Variants in NTS observed in about 807,000 individuals in gnomAD.
The protein encoded by NTS is neurotensin/neuromedin N.
In NTS, 20 loss-of-function variants were observed where a neutral mutation model predicts 19.5. That is an observed-to-expected ratio of 1.02 (90% CI 0.72 to 1.49). The LOEUF (loss-of-function observed/expected upper bound fraction) is 1.49, where lower values mean the gene tolerates loss of function less well. Among genes scored for constraint, NTS ranks in the 40% most tolerant of loss-of-function variants. The pLI, the probability that NTS is intolerant of heterozygous loss-of-function variation, is 0.00. For missense variants in NTS, 215 were observed against 193.1 expected (o/e 1.11, Z -0.67); for synonymous variants, 71 against 63.3 (o/e 1.12, Z -0.58).
Position 85,878,296 on chromosome 12 carries a change from C to T in NTS, c.136-49C>T. The stretch of plus-strand genomic sequence containing the variant: ...TAGCACACTAGGAATTCATTTCTTG[C>T]TCATGTAACACAAGTTTTAATTGCA... On this transcript the variant is annotated intron_variant, in intron 2 of 3. Coordinates refer to ENST00000256010, the MANE Select transcript of NTS (RefSeq NM_006183.5). 5 of 1,341,452 alleles carry T rather than the reference C, an allele frequency of 3.7e-6. No individual in the cohort carries two copies. In the Admixed American group the frequency reaches 8.3e-5, roughly 22 times the overall value. The allele number at this position is 1,341,452 out of a possible 1,614,324, so 83.1% of individuals were successfully genotyped here. A position where few individuals can be genotyped will look rare whatever the true frequency, so the allele number is the denominator to read the frequency against.
chr12:85,876,763 G>C, intron 2 of NTS, 62 bp downstream of exon 2: 1 of 869,876 alleles, frequency 1.1e-6, no homozygotes, highest in Admixed American at 2.4e-5. Context: ...TATAAACATG[G>C]TATCCTTTTC....
At chr12:85,875,216 A>G (rs1168868242) in intron 1 of NTS, among the ~76,000 whole-genome samples, 1 of 152,110 alleles carries the variant, frequency 6.6e-6, no homozygotes, top group Non-Finnish European at 1.5e-5. Context: ...TATAGTCCTA[A>G]GTATCTACGA....
chr12:85,880,764 A>C (rs1339509973), intron 3 of NTS, among the ~76,000 whole-genome samples: 1 of 152,140 alleles, frequency 6.6e-6, no homozygotes, highest in Non-Finnish European at 1.5e-5. Flanking sequence ...CATCCCGGCT[A>C]ACACGGTGAA....
Position 85,874,607 on chromosome 12 carries a change from C to A in NTS, c.73+131C>A, listed in dbSNP as rs1881289235. ...TTATTCAGGATTTACCTTTTAGTGA[C>A]AGAAACTGAGTATCTCTTTCTCTGC... On this transcript the variant is annotated intron_variant, in intron 1 of 3. Transcript: ENST00000256010. 3 of 550,284 alleles carry A rather than the reference C, an allele frequency of 5.5e-6. No homozygotes were observed. In the East Asian group the frequency reaches 8.5e-5, roughly 16 times the overall value. The allele number at this position is 550,284 out of a possible 1,614,324, so 34.1% of individuals were successfully genotyped here.
At position 85,882,216 on chromosome 12, in the gene NTS, C is replaced by T. The variant is rs1881517187; in HGVS notation, c.361-7C>T. ...TAAGTTTCACTTATTTTATCTCTAT[C>T]TTGCAGTTAATCCAGGAAGATATTC... On this transcript the variant is annotated splice_polypyrimidine_tract_variant and splice_region_variant and intron_variant, in intron 3 of 3. Coordinates refer to ENST00000256010, the MANE Select transcript of NTS (RefSeq NM_006183.5). 1 of 1,579,998 alleles carries T rather than the reference C, an allele frequency of 6.3e-7. No homozygotes were observed. The highest frequency in any genetic ancestry group is 8.6e-7 in the Non-Finnish European group (1 of 1,161,792).
intron 3 of NTS, 76 bp from the exon 4 acceptor site, chr12:85,882,147 A>G: frequency 1.7e-6 from 2 of 1,149,982 alleles, no homozygotes; most frequent in East Asian, 2.4e-5. Flanking sequence ...AGCAAATGAG[A>G]TAGAATGTAG....
intron 1 of NTS, among the ~76,000 whole-genome samples, chr12:85,876,215 T>C (rs528902130): frequency 1.3e-5 from 2 of 152,098 alleles, no homozygotes; most frequent in South Asian, 4.1e-4. Flanking sequence ...TGGTTTTGTC[T>C]TGAAAAAGTC....
In NTS at chr12:85,881,179, C is replaced by CA. The variant is rs1328882268; in HGVS notation, c.361-1037dup. Among the ~76,000 whole-genome samples, 5 of 151,932 alleles carry CA rather than the reference C, an allele frequency of 3.3e-5. No individual in the cohort carries two copies. In the South Asian group the frequency reaches 6.2e-4, roughly 19 times the overall value. ...AGTACAAGTAATTACAGACTATGCA[C>CA]AAAAAAACTAAAGATTAAGAAACTA... is the stretch of plus-strand genomic sequence containing the variant. On this transcript the variant is annotated intron_variant, in intron 3 of 3. Transcript: ENST00000256010.
intron 1 of NTS, 35 bp from the exon 2 acceptor site, chr12:85,876,605 G>A: frequency 7.9e-7 from 1 of 1,261,986 alleles, no homozygotes; most frequent in Non-Finnish European, 1.1e-6. Context: ...TATATGATAT[G>A]TAATTATAGT....
intron 1 of NTS, among the ~76,000 whole-genome samples, chr12:85,875,573 A>T (rs991617575): frequency 2.6e-5 from 4 of 152,076 alleles, no homozygotes; most frequent in South Asian, 2.1e-4. Context: ...ATGAGAAAAA[A>T]CAAACTTTTC....
chr12:85,881,785 G>A (rs924338981), intron 3 of NTS, among the ~76,000 whole-genome samples: 1 of 151,938 alleles, frequency 6.6e-6, no homozygotes, highest in Non-Finnish European at 1.5e-5. Flanking sequence ...TACCTTTGTG[G>A]CCAAACTTGG....
rs1053738629 is a variant in NTS at position 85,882,643 on chromosome 12, G to A, written c.*268G>A. 3.7e-6 allele frequency: 1 copy of A among 271,724 alleles called. No homozygotes were observed. The highest frequency in any genetic ancestry group is 2.2e-5 in the African/African-American group (1 of 44,726). The allele number at this position is 271,724 out of a possible 1,614,324, so 16.8% of individuals were successfully genotyped here. On this transcript the variant is annotated 3_prime_UTR_variant, in exon 4 of 4. Coordinates refer to ENST00000256010, the MANE Select transcript of NTS (RefSeq NM_006183.5). ...TTTGTAATTTTGCAAAACATATCTT[G>A]AGTTGTTTAAACAGTCAAAATGTTT...
At chr12:85,878,955 A>T (rs986520563) in intron 3 of NTS, among the ~76,000 whole-genome samples, 11 of 151,552 alleles carry the variant, frequency 7.3e-5, no homozygotes, top group Non-Finnish European at 1.3e-4. Flanking sequence ...ATAAACAAAC[A>T]CAGAATATAA....
chr12:85,876,841 A>T (rs1397101977), intron 2 of NTS, 140 bp downstream of exon 2: 7 of 425,614 alleles, frequency 1.6e-5, no homozygotes, highest in Non-Finnish European at 2.9e-5. Context: ...GAAAAAAAAA[A>T]TTTCTTTTAG....
At chr12:85,874,930 G>T (rs901607528) in intron 1 of NTS, among the ~76,000 whole-genome samples, 2 of 152,072 alleles carry the variant, frequency 1.3e-5, no homozygotes, top group Admixed American at 6.6e-5. Context: ...TTATTTTCTT[G>T]TTTGTGTTAA....
At position 85,882,254 on chromosome 12, in the gene NTS, A is replaced by G; in HGVS notation, c.392A>G (p.Asn131Ser). ...CAGGAAGATATTCTTGATACTGGAA[A>G]TGACAAAAATGGAAAGGAAGAAGTC... Reference protein sequence around the residue: ...LIQEDILDTGNDKNGKEEVIK... With the variant: ...LIQEDILDTGSDKNGKEEVIK... Residue 131 changes from asparagine (N) to serine (S), a missense_variant, in exon 4 of 4, where the codon AAT (asparagine) becomes AGT (serine). Physicochemically the swap from Asn to Ser is conservative, Grantham distance 46. Coordinates refer to ENST00000256010, the MANE Select transcript of NTS (RefSeq NM_006183.5). 6.2e-7 allele frequency: 1 copy of G among 1,602,908 alleles called. No homozygotes were observed. Among genetic ancestry groups the G allele is most frequent in the East Asian group, 2.2e-5 (1 of 44,672 alleles).
Position 85,882,405 on chromosome 12 carries a change from G to A in NTS, c.*30G>A, listed in dbSNP as rs1881521789. 3 of 1,432,120 alleles carry A rather than the reference G, an allele frequency of 2.1e-6. No homozygotes were observed. Among genetic ancestry groups the A allele is most frequent in the South Asian group, 1.3e-5 (1 of 74,646 alleles). The allele number at this position is 1,432,120 out of a possible 1,614,324, so 88.7% of individuals were successfully genotyped here. A position where few individuals can be genotyped will look rare whatever the true frequency, so the allele number is the denominator to read the frequency against. On this transcript the variant is annotated 3_prime_UTR_variant, in exon 4 of 4. Coordinates refer to ENST00000256010, the MANE Select transcript of NTS (RefSeq NM_006183.5). ...ATAAATCATTTATTTACATGTGATT[G>A]TGATTCATCATCCCTTAATTAAATA... is the stretch of plus-strand genomic sequence containing the variant.
intron 1 of NTS, among the ~76,000 whole-genome samples, chr12:85,875,415 A>G (rs1159707580): frequency 6.6e-6 from 1 of 152,124 alleles, no homozygotes; most frequent in Non-Finnish European, 1.5e-5. Context: ...CATAAATATG[A>G]CATGGAAATG....
chr12:85,878,186 T>C, intron 2 of NTS, 159 bp from the exon 3 acceptor site: 2 of 553,368 alleles, frequency 3.6e-6, no homozygotes, highest in East Asian at 5.6e-5. Context: ...ATTGGCAGTA[T>C]ACAACTTTGT....
Sources: gnomAD v4.1 joint callset for allele counts (sites outside exome capture counted in the v4.1 genomes callset) on GRCh38, gnomAD v4.1.1 for gene constraint, MANE v1.5 for transcripts, NCBI Gene and HGNC (gene_info 2026-07-23, HGNC 2026-07-21) for gene names.